Variants in EFTUD2 observed in about 807,000 individuals in gnomAD.
EFTUD2 encodes 116 kDa U5 small nuclear ribonucleoprotein component.
EFTUD2 carries 9 observed loss-of-function variants against 114.3 expected under a neutral mutation model. That is an observed-to-expected ratio of 0.08 (90% CI 0.05 to 0.14). EFTUD2 has a LOEUF of 0.14. EFTUD2 is among the 10% of genes least tolerant of loss of function. EFTUD2 has a pLI of 1.00. For synonymous variants in EFTUD2, 449 were observed against 462.3 expected (o/e 0.97, Z 0.37); for missense variants, 765 against 1,241.2 (o/e 0.62, Z 5.76).
At position 44,868,304 on chromosome 17, in the gene EFTUD2, G is replaced by T. The variant is rs2050787646; in HGVS notation, c.1041C>A (p.Ile347=). ...QEFAKRLWGD[I]YFNPKTRKFT... is the part of the protein sequence containing the mutation. ...CTACTTACGTCTTAGGGTTGAAGTA[G>T]ATGTCACCCCAGAGTCTTTTAGCAA... The change falls in exon 12 of 28, where the codon ATC becomes ATA. Residue 347 remains isoleucine, a synonymous_variant. Coordinates refer to ENST00000426333, the MANE Select transcript of EFTUD2 (RefSeq NM_004247.4). 1 of 1,613,872 alleles carries T rather than the reference G, an allele frequency of 6.2e-7. No homozygotes were observed. The highest frequency in any genetic ancestry group is 8.5e-7 in the Non-Finnish European group (1 of 1,179,952).
chr17:44,859,035 A>C, intron 19 of EFTUD2, 45 bp downstream of exon 19: 1 of 1,293,398 alleles, frequency 7.7e-7, no homozygotes, highest in Admixed American at 1.7e-5. Flanking sequence ...GTCACTTGTG[A>C]AAAGTCTGGA....
chr17:44,883,104 A>G lies in EFTUD2; in HGVS notation c.481T>C (p.Tyr161His). The G allele has an allele frequency of 1.2e-6, 2 of 1,614,168 alleles. No individual in the cohort carries two copies. Among genetic ancestry groups the G allele is most frequent in the Non-Finnish European group, 1.7e-6 (2 of 1,180,022 alleles). Residue 161 changes from tyrosine to histidine, a missense_variant, in exon 6 of 28, where the codon TAT (tyrosine) becomes CAT (histidine). Around this residue, in one of 6 missense-constraint regions of EFTUD2, gnomAD observed 251 missense variants for 357.7 expected, o/e 0.70. Transcript: ENST00000426333. Reference protein sequence around the residue: ...EQTHPEIRKRYDQDLCYTDIL... With the variant: ...EQTHPEIRKRHDQDLCYTDIL... The stretch of plus-strand genomic sequence containing the variant: ...GAAGTTCTACTTACATCTTGGTCAT[A>G]GCGCTTTCTGATTTCCGGGTGAGTC...
intron 10 of EFTUD2, among the ~76,000 whole-genome samples, chr17:44,874,696 C>T (rs1022282363): frequency 6.6e-6 from 1 of 152,180 alleles, no homozygotes; most frequent in Non-Finnish European, 1.5e-5. Flanking sequence ...ATATTATATT[C>T]TAAGGTATCA....
At chr17:44,874,466 C>T (rs2050910916) in intron 10 of EFTUD2, among the ~76,000 whole-genome samples, 1 of 152,170 alleles carries the variant, frequency 6.6e-6, no homozygotes, top group Non-Finnish European at 1.5e-5. Flanking sequence ...TAGTGCTACA[C>T]ACTGGGAAGG....
intron 1 of EFTUD2, among the ~76,000 whole-genome samples, chr17:44,896,256 C>T (rs2051382750): frequency 6.6e-6 from 1 of 152,194 alleles, no homozygotes; most frequent in South Asian, 2.1e-4. Context: ...AGTTCAAATG[C>T]CACCACCTCC....
intron 2 of EFTUD2, 82 bp downstream of exon 2, chr17:44,894,333 GCA>G: frequency 8.5e-7 from 1 of 1,173,220 alleles, no homozygotes; most frequent in Non-Finnish European, 1.3e-6. Context: ...TTGCGCCACT[GCA>G]CTCCAACCTG....
At chr17:44,853,986 C>T (rs1409100596) in intron 23 of EFTUD2, 3 of 1,351,254 alleles carry the variant, frequency 2.2e-6, no homozygotes, top group Non-Finnish European at 2.8e-6. Flanking sequence ...CCATTCCAAT[C>T]TCATCATCCT....
chr17:44,859,677 C>T, intron 18 of EFTUD2: 1 of 629,072 alleles, frequency 1.6e-6, no homozygotes, highest in African/African-American at 2.0e-5. Context: ...GTCCTATACC[C>T]CCCATCACTG....
intron 11 of EFTUD2, among the ~76,000 whole-genome samples, chr17:44,871,522 G>A (rs2050854596): frequency 6.6e-6 from 1 of 151,494 alleles, no homozygotes; most frequent in African/African-American, 2.4e-5. Context: ...TGCATTTTTA[G>A]TAGAGACGGG....
chr17:44,858,559 G>A (rs2050598982), intron 19 of EFTUD2, among the ~76,000 whole-genome samples: 1 of 152,084 alleles, frequency 6.6e-6, no homozygotes, highest in Non-Finnish European at 1.5e-5. Flanking sequence ...TCTAGGTTCA[G>A]GTGATCCTCC....
chr17:44,868,484 C>T, intron 11 of EFTUD2, 134 bp from the exon 12 acceptor site: 4 of 770,166 alleles, frequency 5.2e-6, no homozygotes, highest in Non-Finnish European at 8.3e-6. Context: ...TTCCTTCTAA[C>T]CAGAGAGGAA....
In EFTUD2 at chr17:44,876,097, T is replaced by C. The variant is rs1131691310; in HGVS notation, c.706A>G (p.Met236Val). Residue 236 changes from methionine (M) to valine (V), a missense_variant, in exon 10 of 28, where the codon ATG (methionine) becomes GTG (valine). Physicochemically the swap from Met to Val is conservative, Grantham distance 21. Transcript: ENST00000426333. ...VLFIDAAEGV[M>V]LNTERLIKHA... ...TTGATCAGCCGCTCTGTGTTCAGCA[T>C]CACCTGAGAAAAACAAGGCTCAGAA... The C allele has an allele frequency of 1.2e-6, 2 of 1,610,184 alleles. No individual in the cohort carries two copies. The highest frequency in any genetic ancestry group is 3.3e-5 in the Admixed American group (2 of 59,844).
At chr17:44,898,369 C>T (rs1286366075) in intron 1 of EFTUD2, among the ~76,000 whole-genome samples, 1 of 152,134 alleles carries the variant, frequency 6.6e-6, no homozygotes, top group African/African-American at 2.4e-5. Context: ...AGGAGTGCAC[C>T]ACTACGCCTG....
chr17:44,899,080 G>A (rs1195924366), intron 1 of EFTUD2: 1 of 152,204 alleles, frequency 6.6e-6, no homozygotes, highest in Non-Finnish European at 1.5e-5. Context: ...TGAGCGAGGG[G>A]ACTGGACAGT....
At position 44,862,853 on chromosome 17, in the gene EFTUD2, C is replaced by G. The variant is rs1324611518; in HGVS notation, c.1467G>C (p.Gln489His). 6.2e-7 allele frequency: 1 copy of G among 1,614,106 alleles called. No homozygotes were observed. Among genetic ancestry groups the G allele is most frequent in the Non-Finnish European group, 8.5e-7 (1 of 1,180,044 alleles). The change falls in exon 16 of 28, where the codon CAG becomes CAC. Residue 489 changes from glutamine to histidine, a missense_variant. Physicochemically the swap from Gln to His is conservative, Grantham distance 24. Around this residue, in one of 6 missense-constraint regions of EFTUD2, gnomAD observed 149 missense variants for 245.1 expected, o/e 0.61. Transcript: ENST00000426333. The part of the protein sequence containing the change: ...TKMYSTDDGV[Q>H]FHAFGRVLSG... The stretch of plus-strand genomic sequence containing the variant: ...TCAGCACCCGGCCAAAGGCGTGAAA[C>G]TGGACTCCATCATCTGTGCTGTACA...
intron 14 of EFTUD2, among the ~76,000 whole-genome samples, 182 bp downstream of exon 14, chr17:44,864,748 T>C (rs539531684): frequency 1.3e-5 from 2 of 152,344 alleles, no homozygotes; most frequent in Admixed American, 1.3e-4. Flanking sequence ...AGATAGAATG[T>C]GTGCCATCAT....
In EFTUD2 at chr17:44,854,294, G is replaced by C. The variant is rs770234601; in HGVS notation, c.2322C>G (p.Thr774=). Residue 774 remains threonine (T), a synonymous_variant, in exon 23 of 28, where the codon ACC becomes ACG. Transcript: ENST00000426333. This position sits in a 1 kb window ranked among gnomAD's most constrained non-coding sequence, Gnocchi z 4.3. The part of the protein sequence containing the change: ...DSIVQGFQWG[T]REGPLCDELI... Reference sequence around the variant, plus strand: ...ATTCATCACAGAGGGGGCCCTCCCTGGTTCCCCACTGGAAACCTTGAACGA... The same window carrying C: ...ATTCATCACAGAGGGGGCCCTCCCTCGTTCCCCACTGGAAACCTTGAACGA... The C allele has an allele frequency of 6.2e-7, 1 of 1,613,724 alleles. No homozygotes were observed. The highest frequency in any genetic ancestry group is 2.2e-5 in the East Asian group (1 of 44,890).
chr17:44,865,811 T>C (rs2050736567), intron 13 of EFTUD2, among the ~76,000 whole-genome samples: 1 of 152,182 alleles, frequency 6.6e-6, no homozygotes, highest in Non-Finnish European at 1.5e-5. Context: ...ATAAACGTCA[T>C]GCTATATTCC....
chr17:44,864,520 C>G (rs547287683), intron 14 of EFTUD2, among the ~76,000 whole-genome samples: 2 of 152,198 alleles, frequency 1.3e-5, no homozygotes, highest in East Asian at 3.9e-4. Flanking sequence ...GTTTTTTCAA[C>G]CAGTCCAGTG....
Sources: gnomAD v4.1 joint callset for allele counts (sites outside exome capture counted in the v4.1 genomes callset) on GRCh38, gnomAD v4.1.1 for gene constraint, gnomAD v4.1.1 regional missense constraint, Gnocchi (gnomAD v3.1) non-coding constraint, MANE v1.5 for transcripts, NCBI Gene and HGNC (gene_info 2026-07-23, HGNC 2026-07-21) for gene names.